CPLX2: variants seen among roughly 807,000 people sequenced by gnomAD.
CPLX2 encodes the protein complexin-2.
In CPLX2, 5 loss-of-function variants were observed where a neutral mutation model predicts 16.3. That is an observed-to-expected ratio of 0.31 (90% CI 0.16 to 0.64). The LOEUF (loss-of-function observed/expected upper bound fraction) is 0.64. Ranked by LOEUF, CPLX2 falls within the 30% of genes least tolerant of loss-of-function variation. The pLI is 0.79. For synonymous variants in CPLX2, 89 were observed against 73.2 expected (o/e 1.22, Z -1.10); for missense variants, 144 against 181.4 (o/e 0.79, Z 1.18).
chr5:175,868,996 C>A (rs955513974), upstream of CPLX2, among the ~76,000 whole-genome samples: 3 of 152,114 alleles, frequency 2.0e-5, no homozygotes, highest in African/African-American at 7.2e-5. Context: ...AAAGTTAACA[C>A]CTGAGACATA....
chr5:175,819,469 A>G (rs568010552), intron 2 of CPLX2, among the ~76,000 whole-genome samples: 54 of 152,242 alleles, frequency 3.5e-4, no homozygotes, highest in African/African-American at 1.3e-3. Context: ...TGCCGTTGGA[A>G]TTTTTATTTC....
At chr5:175,850,467 C>T (rs1489210807) in intron 2 of CPLX2, among the ~76,000 whole-genome samples, 2 of 152,208 alleles carry the variant, frequency 1.3e-5, no homozygotes, top group Non-Finnish European at 1.5e-5. Flanking sequence ...ACCCTGACCA[C>T]TAAGGTCAAG....
intron 1 of CPLX2, among the ~76,000 whole-genome samples, chr5:175,800,292 G>A (rs1340289813): frequency 6.6e-6 from 1 of 152,126 alleles, no homozygotes; most frequent in African/African-American, 2.4e-5. Context: ...TGTCTCACAA[G>A]TTTCCCCAAG....
chr5:175,873,614 C>G (rs1392406155), intron 1 of CPLX2, among the ~76,000 whole-genome samples: 1 of 152,122 alleles, frequency 6.6e-6, no homozygotes, highest in East Asian at 1.9e-4. Context: ...CACATCTTGC[C>G]AAGGAGATCC....
chr5:175,819,446 G>A (rs1020436880), intron 2 of CPLX2, among the ~76,000 whole-genome samples: 1 of 152,232 alleles, frequency 6.6e-6, no homozygotes, highest in African/African-American at 2.4e-5. Context: ...CGATTCTGGT[G>A]GATGTGGAGT....
At chr5:175,863,910 C>T (rs1348373415) in intron 2 of CPLX2, among the ~76,000 whole-genome samples, 1 of 152,166 alleles carries the variant, frequency 6.6e-6, no homozygotes, top group African/African-American at 2.4e-5. Flanking sequence ...ACCATCTCCC[C>T]CATTTTCCTC....
intron 2 of CPLX2, among the ~76,000 whole-genome samples, chr5:175,823,214 G>A (rs1190081735): frequency 6.6e-6 from 1 of 152,222 alleles, no homozygotes; most frequent in African/African-American, 2.4e-5. Flanking sequence ...GTCAGTGCCT[G>A]TCTTGCCTGT....
intron 2 of CPLX2, among the ~76,000 whole-genome samples, chr5:175,819,631 C>G (rs1339577353): frequency 6.6e-6 from 1 of 152,186 alleles, no homozygotes; most frequent in African/African-American, 2.4e-5. Context: ...AGTGGAGTGT[C>G]TGGGATTGGA....
chr5:175,869,155 C>T (rs1338819087), upstream of CPLX2, among the ~76,000 whole-genome samples: 4 of 152,196 alleles, frequency 2.6e-5, no homozygotes, highest in South Asian at 2.1e-4. Context: ...CTCATCTCTT[C>T]GTCACCTTTA....
At chr5:175,833,088 G>A (rs914790772) in intron 2 of CPLX2, among the ~76,000 whole-genome samples, 2 of 151,032 alleles carry the variant, frequency 1.3e-5, no homozygotes, top group Non-Finnish European at 2.9e-5. Context: ...CCCAGCAGGC[G>A]GATGTTGCAA....
chr5:175,802,985 T>C (rs972228968), intron 1 of CPLX2, among the ~76,000 whole-genome samples: 1 of 152,018 alleles, frequency 6.6e-6, no homozygotes, highest in African/African-American at 2.4e-5. Context: ...GCACCCGCCA[T>C]CACACCAGAC....
chr5:175,860,554 A>AGGG (rs1195697375), intron 2 of CPLX2, among the ~76,000 whole-genome samples: 46 of 133,456 alleles, frequency 3.4e-4, no homozygotes, highest in African/African-American at 1.3e-3. Flanking sequence ...GATAGAAAGA[A>AGGG]AGAAAGAAAA....
upstream of CPLX2, among the ~76,000 whole-genome samples, chr5:175,869,771 G>C (rs1051356116): frequency 6.6e-6 from 1 of 152,132 alleles, no homozygotes; most frequent in African/African-American, 2.4e-5. Flanking sequence ...TCTCGAGCTT[G>C]ACATACTCAC....
chr5:175,860,541 AT>A lies in CPLX2; in HGVS notation c.-88-18110del, dbSNP rs1278474704. On this transcript the variant is annotated intron_variant, in intron 2 of 4. Transcript: ENST00000359546. The stretch of plus-strand genomic sequence containing the variant: ...AAAAGAAAGAAAGAAAGAAAGAAAG[AT>A]AGATAGAAAGAAAGAAAGAAAAAGA... Among the ~76,000 whole-genome samples, 129 of 22,610 alleles carry A rather than the reference AT, an allele frequency of 5.7e-3. 1 individual carries two copies. The highest frequency in any genetic ancestry group is 0.03 in the African/African-American group (125 of 4,236). 14.8% of individuals were successfully genotyped at this position (22,610 alleles called of 152,430 possible). A position where few individuals can be genotyped will look rare whatever the true frequency, so the allele number is the denominator to read the frequency against.
At chr5:175,807,270 T>A (rs1218446816) in intron 1 of CPLX2, among the ~76,000 whole-genome samples, 1 of 152,240 alleles carries the variant, frequency 6.6e-6, no homozygotes, top group African/African-American at 2.4e-5. Flanking sequence ...CCACTCTTCA[T>A]TCATGGAACA....
intron 1 of CPLX2, among the ~76,000 whole-genome samples, chr5:175,803,232 G>A (rs532899410): frequency 1.3e-5 from 2 of 152,122 alleles, no homozygotes; most frequent in African/African-American, 2.4e-5. Context: ...TCATTGATTC[G>A]TCAATACCCA....
At chr5:175,864,711 T>C (rs979299222) in intron 2 of CPLX2, among the ~76,000 whole-genome samples, 1 of 152,212 alleles carries the variant, frequency 6.6e-6, no homozygotes, top group African/African-American at 2.4e-5. Context: ...TCTCCATATA[T>C]GTTAGATAAG....
At chr5:175,832,331 G>A (rs187798474) in intron 2 of CPLX2, among the ~76,000 whole-genome samples, 1 of 152,160 alleles carries the variant, frequency 6.6e-6, no homozygotes, top group Non-Finnish European at 1.5e-5. Flanking sequence ...AGTCTTGAAG[G>A]CCCCATTTCT....
upstream of CPLX2, among the ~76,000 whole-genome samples, chr5:175,869,344 A>G (rs1431107254): frequency 1.3e-5 from 2 of 152,200 alleles, no homozygotes; most frequent in African/African-American, 4.8e-5. Context: ...TTTAGCCATC[A>G]GCTGGACCAG....
Sources: gnomAD v4.1 joint callset for allele counts (sites outside exome capture counted in the v4.1 genomes callset) on GRCh38, gnomAD v4.1.1 for gene constraint, MANE v1.5 for transcripts, NCBI Gene and HGNC (gene_info 2026-07-23, HGNC 2026-07-21) for gene names.